CNTN5: variants seen among roughly 807,000 people sequenced by gnomAD.
CNTN5 encodes the protein contactin-5.
Under a neutral mutation model 129.1 loss-of-function variants are expected in CNTN5, and 77 were observed. The ratio of observed to expected loss-of-function variants is 0.60; its 90% CI spans 0.50 to 0.72. CNTN5 has a LOEUF of 0.72. CNTN5 is among the 30% of genes least tolerant of loss of function. The pLI is 0.00. For synonymous variants in CNTN5, 509 were observed against 465.6 expected, an observed-to-expected ratio of 1.09 and a Z score of -1.20; for missense variants, 1,478 against 1,328.8, an observed-to-expected ratio of 1.11 and a Z score of -1.75.
At chr11:99,840,745 T>C (rs1220491465) in intron 4 of CNTN5, among the ~76,000 whole-genome samples, 6 of 152,170 alleles carry the variant, frequency 3.9e-5, no homozygotes, top group Non-Finnish European at 8.8e-5. Flanking sequence ...AAGAGTTTAA[T>C]TAATTGGCTA....
At chr11:99,699,819 C>T (rs1224551511) in intron 3 of CNTN5, among the ~76,000 whole-genome samples, 1 of 151,342 alleles carries the variant, frequency 6.6e-6, no homozygotes, top group Non-Finnish European at 1.5e-5. Flanking sequence ...ATTTATAAAT[C>T]TAGCTACTTT....
chr11:99,162,277 T>TTG (rs386374625), intron 1 of CNTN5, among the ~76,000 whole-genome samples: 1 of 36,392 alleles, frequency 2.7e-5, no homozygotes, highest in Non-Finnish European at 8.9e-5. Flanking sequence ...CCTAGACATG[T>TTG]TTTTTTTTTC....
Position 100,127,880 on chromosome 11 carries a change from T to G in CNTN5, c.1580+53586T>G, listed in dbSNP as rs1357558919. Among the ~76,000 whole-genome samples the G allele has an allele frequency of 2.0e-5, 3 of 151,716 alleles. No homozygotes were observed. The East Asian group carries it at 5.8e-4, about 30-fold the overall frequency. On this transcript the variant is annotated intron_variant, in intron 13 of 24. Coordinates refer to ENST00000524871, the MANE Select transcript of CNTN5 (RefSeq NM_014361.4). ...TTCACCATCTTGGCCAGGCTGGTCT[T>G]GAACTCCTGACCTCAGGTGATCTGC... is the stretch of plus-strand genomic sequence containing the variant.
At chr11:99,133,894 A>T (rs1181504351) in intron 1 of CNTN5, among the ~76,000 whole-genome samples, 2 of 152,314 alleles carry the variant, frequency 1.3e-5, no homozygotes, top group Middle Eastern at 3.4e-3. Context: ...TGACCCAGCA[A>T]TCCCATTAGT....
intron 2 of CNTN5, among the ~76,000 whole-genome samples, chr11:99,503,703 A>T (rs1946510041): frequency 6.6e-6 from 1 of 152,218 alleles, no homozygotes; most frequent in African/African-American, 2.4e-5. Context: ...TATAACAGAT[A>T]ATTGACATAT....
chr11:99,211,833 CT>C (rs1212735730), intron 1 of CNTN5, among the ~76,000 whole-genome samples: 1 of 151,986 alleles, frequency 6.6e-6, no homozygotes, highest in African/African-American at 2.4e-5. Context: ...GACACTTATC[CT>C]TTTTAAAAAA....
chr11:99,771,085 C>T (rs1244628745), intron 3 of CNTN5, among the ~76,000 whole-genome samples: 3 of 152,084 alleles, frequency 2.0e-5, no homozygotes, highest in African/African-American at 7.2e-5. Flanking sequence ...GGAACCTGGA[C>T]TTTCACATAC....
chr11:99,610,218 C>T (rs867743651), intron 3 of CNTN5, among the ~76,000 whole-genome samples: 1 of 152,074 alleles, frequency 6.6e-6, no homozygotes, highest in Non-Finnish European at 1.5e-5. Flanking sequence ...TCCCAACTAA[C>T]TCTAAAATAT....
At chr11:100,243,735 A>C (rs1463762322) in intron 16 of CNTN5, among the ~76,000 whole-genome samples, 1 of 152,154 alleles carries the variant, frequency 6.6e-6, no homozygotes, top group Admixed American at 6.6e-5. Flanking sequence ...TTCACTTCAT[A>C]TAGATTTTGA....
intron 9 of CNTN5, 148 bp from the exon 10 acceptor site, chr11:100,061,064 A>G (rs1943454498): frequency 1.8e-6 from 1 of 555,662 alleles, no homozygotes; most frequent in Non-Finnish European, 3.0e-6. Flanking sequence ...CCCACGTGGA[A>G]AGTGAAATAT....
chr11:99,498,993 T>G (rs1012311756), intron 2 of CNTN5, among the ~76,000 whole-genome samples: 3 of 152,178 alleles, frequency 2.0e-5, no homozygotes, highest in African/African-American at 7.2e-5. Flanking sequence ...CTACCTCTGA[T>G]GTTTGCAATC....
chr11:99,985,703 C>G (rs1469670396), intron 8 of CNTN5, among the ~76,000 whole-genome samples: 1 of 152,134 alleles, frequency 6.6e-6, no homozygotes, highest in African/African-American at 2.4e-5. Flanking sequence ...AAGACTAAAA[C>G]ATTTAGACAT....
At chr11:99,086,616 T>C (rs1866018721) in intron 1 of CNTN5, among the ~76,000 whole-genome samples, 7 of 152,168 alleles carry the variant, frequency 4.6e-5, no homozygotes, top group Admixed American at 4.6e-4. Flanking sequence ...ATCAACATTA[T>C]AATGAAATGG....
At chr11:99,378,045 C>A (rs1188597058) in intron 2 of CNTN5, among the ~76,000 whole-genome samples, 1 of 152,022 alleles carries the variant, frequency 6.6e-6, no homozygotes, top group Non-Finnish European at 1.5e-5. Context: ...TATAATCAAC[C>A]TAATTATATT....
chr11:99,622,837 G>GAAAAAA (rs139145102), intron 3 of CNTN5, among the ~76,000 whole-genome samples: 3 of 149,820 alleles, frequency 2.0e-5, no homozygotes, highest in Non-Finnish European at 3.0e-5. Context: ...TTAGAAAACT[G>GAAAAAA]AAAAAAAAAG....
At chr11:100,039,378 C>T (rs1050465403) in intron 9 of CNTN5, among the ~76,000 whole-genome samples, 2 of 152,136 alleles carry the variant, frequency 1.3e-5, no homozygotes, top group Admixed American at 6.6e-5. Flanking sequence ...GTAACCCGAC[C>T]TTTCTCTCTG....
At chr11:99,087,848 A>C (rs901724831) in intron 1 of CNTN5, among the ~76,000 whole-genome samples, 2 of 152,186 alleles carry the variant, frequency 1.3e-5, no homozygotes, top group Non-Finnish European at 2.9e-5. Flanking sequence ...ATTTTCCCTA[A>C]GACACAGTCT....
At chr11:100,128,870 C>T (rs1312171153) in intron 13 of CNTN5, among the ~76,000 whole-genome samples, 1 of 151,930 alleles carries the variant, frequency 6.6e-6, no homozygotes, top group Non-Finnish European at 1.5e-5. Flanking sequence ...TATTACTTGC[C>T]CAGAGAAAAA....
intron 15 of CNTN5, among the ~76,000 whole-genome samples, chr11:100,214,889 T>C (rs1456074179): frequency 6.6e-6 from 1 of 152,204 alleles, no homozygotes; most frequent in Admixed American, 6.5e-5. Flanking sequence ...ACAGCAAGGA[T>C]GGCTTGAATA....
Sources: gnomAD v4.1 joint callset for allele counts (sites outside exome capture counted in the v4.1 genomes callset) on GRCh38, gnomAD v4.1.1 for gene constraint, MANE v1.5 for transcripts, NCBI Gene and HGNC (gene_info 2026-07-23, HGNC 2026-07-21) for gene names.